The following KIFBP variants were observed in gnomAD, a reference collection of about 807,000 sequenced individuals.
KIFBP encodes the protein KIF-binding protein.
In KIFBP, 46 loss-of-function variants were observed where a neutral mutation model predicts 58.9. The ratio of observed to expected loss-of-function variants is 0.78; its 90% CI spans 0.62 to 1.00. The LOEUF is 1.00. Ranked by LOEUF, KIFBP falls within the 50% of genes least tolerant of loss-of-function variation. The probability of loss-of-function intolerance (pLI) is 0.00; values close to 1 mark genes in which losing one functional copy is unlikely to be tolerated. For synonymous variants in KIFBP, 241 were observed against 283.4 expected (o/e 0.85, Z 1.50); for missense variants, 651 against 752.9 (o/e 0.86, Z 1.58).
At position 68,988,838 on chromosome 10, in the gene KIFBP, G is replaced by C. The variant is rs370609098; in HGVS notation, c.6G>C (p.Ala2=). 1.2e-6 allele frequency: 2 copies of C among 1,614,262 alleles called. No homozygotes were observed. Among genetic ancestry groups the C allele is most frequent in the African/African-American group, 1.3e-5 (1 of 75,080 alleles). The change falls in exon 1 of 7, where the codon GCG becomes GCC. Residue 2 remains alanine, a synonymous_variant. Coordinates refer to ENST00000361983, the MANE Select transcript of KIFBP (RefSeq NM_015634.4). The part of the protein sequence containing the change: M[A]NVPWAEVCEK... ...GCCAGGCAGTAGAGGCCGCTATGGC[G>C]AACGTTCCGTGGGCAGAGGTCTGCG...
chr10:69,013,286 C>G (rs1406837234), intron 6 of KIFBP, among the ~76,000 whole-genome samples: 1 of 152,104 alleles, frequency 6.6e-6, no homozygotes, highest in East Asian at 1.9e-4. Context: ...AACAAACAAA[C>G]CTCAACACAT....
chr10:69,006,381 T>C (rs1184470398), intron 4 of KIFBP, among the ~76,000 whole-genome samples: 1 of 152,234 alleles, frequency 6.6e-6, no homozygotes, highest in Non-Finnish European at 1.5e-5. Flanking sequence ...TTTTTTAATG[T>C]TGGAAATATG....
At chr10:69,012,226 A>G (rs1047894758) in intron 6 of KIFBP, among the ~76,000 whole-genome samples, 2 of 152,140 alleles carry the variant, frequency 1.3e-5, no homozygotes, top group African/African-American at 4.8e-5. Context: ...TTTTGCCTCT[A>G]TTTCCTCACA....
chr10:69,010,833 A>T, intron 5 of KIFBP, 67 bp from the exon 6 acceptor site: 1 of 1,042,804 alleles, frequency 9.6e-7, no homozygotes, highest in African/African-American at 1.6e-5. Context: ...ATATTAAAAA[A>T]ATTACAGTAC....
At position 69,016,629 on chromosome 10, in the gene KIFBP, T is replaced by A; in HGVS notation, c.*213T>A. The A allele has an allele frequency of 1.8e-6, 1 of 544,510 alleles. No individual in the cohort carries two copies. Among genetic ancestry groups the A allele is most frequent in the South Asian group, 2.6e-5 (1 of 38,944 alleles). The allele number at this position is 544,510 out of a possible 1,614,324, so 33.7% of individuals were successfully genotyped here. A position where few individuals can be genotyped will look rare whatever the true frequency, so the allele number is the denominator to read the frequency against. On this transcript the variant is annotated 3_prime_UTR_variant, in exon 7 of 7. Coordinates refer to ENST00000361983, the MANE Select transcript of KIFBP (RefSeq NM_015634.4). ...TATGTAAATTGCCTTGTTAAAGACA[T>A]GTGATTTGTATTTTAGATGCTTGTT...
intron 1 of KIFBP, among the ~76,000 whole-genome samples, chr10:68,996,072 C>T (rs962111254): frequency 1.3e-5 from 2 of 151,612 alleles, no homozygotes; most frequent in Non-Finnish European, 1.5e-5. Context: ...GCACAAGAAT[C>T]GCTAGAACCC....
Position 69,016,176 on chromosome 10 carries a change from T to C in KIFBP, c.1626T>C (p.Pro542=). The C allele has an allele frequency of 1.2e-6, 2 of 1,613,974 alleles. No homozygotes were observed. Among genetic ancestry groups the C allele is most frequent in the Non-Finnish European group, 1.7e-6 (2 of 1,179,978 alleles). The change falls in exon 7 of 7, where the codon CCT becomes CCC. Residue 542 remains proline (P), a synonymous_variant. Transcript: ENST00000361983. ...ATATAGGGGAAGATGTTCTTCGCCCTGCCATGTTAGCTAAGTTTCGAGTTG... is the reference window on the plus strand; with the variant it reads ...ATATAGGGGAAGATGTTCTTCGCCCCGCCATGTTAGCTAAGTTTCGAGTTG... The part of the protein sequence containing the change: ...PEHIGEDVLR[P]AMLAKFRVAR...
At chr10:69,002,193 T>C (rs1333609315) in intron 2 of KIFBP, among the ~76,000 whole-genome samples, 1 of 150,930 alleles carries the variant, frequency 6.6e-6, no homozygotes, top group Non-Finnish European at 1.5e-5. Flanking sequence ...GGAGTCTCGC[T>C]CTGTTGTCCA....
At chr10:69,006,008 A>G (rs1341813939) in intron 4 of KIFBP, 93 bp downstream of exon 4, 3 of 1,204,270 alleles carry the variant, frequency 2.5e-6, no homozygotes, top group Non-Finnish European at 3.6e-6. Context: ...TTTTAAAAAC[A>G]GGTAGCTTGT....
At position 69,005,787 on chromosome 10, in the gene KIFBP, C is replaced by T; in HGVS notation, c.661C>T (p.Leu221=). The change falls in exon 4 of 7, where the codon CTG becomes TTG. Residue 221 remains leucine, a synonymous_variant. Transcript: ENST00000361983. ...LYYLAQVYQH[L]EMFEKAAHYC... The stretch of plus-strand genomic sequence containing the variant: ...TTACCTAGCTCAAGTCTACCAGCAT[C>T]TGGAAATGTTTGAGAAGGCTGCTCA... 1 of 1,613,902 alleles carries T rather than the reference C, an allele frequency of 6.2e-7. No individual in the cohort carries two copies. Among genetic ancestry groups the T allele is most frequent in the Non-Finnish European group, 8.5e-7 (1 of 1,179,810 alleles).
rs745553968 is a variant in KIFBP, at chr10:69,000,498, A to G, written c.501A>G (p.Ala167=). Residue 167 remains alanine (A), a synonymous_variant, in exon 2 of 7, where the codon GCA becomes GCG. Transcript: ENST00000361983. The part of the protein sequence containing the change: ...TAQAYLESSE[A]LYNQYMKEVG... ...AGGCTTACCTAGAGTCATCAGAAGC[A>G]CTATATAATCAGTATATGAAAGAGG... 7.5e-6 allele frequency: 12 copies of G among 1,607,926 alleles called. No individual in the cohort carries two copies. The highest frequency in any genetic ancestry group is 1.0e-5 in the Non-Finnish European group (12 of 1,174,626).
At chr10:68,993,149 A>C (rs996716379) in intron 1 of KIFBP, among the ~76,000 whole-genome samples, 1 of 152,168 alleles carries the variant, frequency 6.6e-6, no homozygotes, top group Non-Finnish European at 1.5e-5. Flanking sequence ...TACCCAGAAC[A>C]CATGCTTCAC....
At chr10:69,003,841 G>A (rs542774061) in intron 2 of KIFBP, among the ~76,000 whole-genome samples, 3 of 152,270 alleles carry the variant, frequency 2.0e-5, no homozygotes, top group East Asian at 3.9e-4. Flanking sequence ...TACTACTACT[G>A]TAGAAATATA....
In KIFBP at chr10:69,000,520, G is replaced by C; in HGVS notation, c.523G>C (p.Glu175Gln). ...SEALYNQYMK[E>Q]VGSPPLDPTE... ...AGCACTATATAATCAGTATATGAAA[G>C]AGGTATGTTACATGTCAGATGAGTT... Residue 175 changes from glutamate (E) to glutamine (Q), a missense_variant and splice_region_variant, in exon 2 of 7, where the codon GAG becomes CAG. Transcript: ENST00000361983. The C allele has an allele frequency of 6.4e-7, 1 of 1,570,452 alleles. No individual in the cohort carries two copies. The highest frequency in any genetic ancestry group is 8.8e-7 in the Non-Finnish European group (1 of 1,140,594).
intron 6 of KIFBP, 169 bp from the exon 7 acceptor site, chr10:69,015,372 G>A (rs1247043436): frequency 2.1e-5 from 12 of 575,702 alleles, no homozygotes; most frequent in East Asian, 1.2e-4. Context: ...TAATATAATC[G>A]GAAGAAAGAA....
At chr10:69,013,597 C>T (rs1843615176) in intron 6 of KIFBP, among the ~76,000 whole-genome samples, 1 of 152,152 alleles carries the variant, frequency 6.6e-6, no homozygotes, top group South Asian at 2.1e-4. Context: ...GACTTATGAT[C>T]TACATTTGAA....
chr10:68,996,836 G>C (rs1195058683), intron 1 of KIFBP, among the ~76,000 whole-genome samples: 4 of 151,876 alleles, frequency 2.6e-5, no homozygotes, highest in Non-Finnish European at 4.4e-5. Context: ...CTGGGCAACA[G>C]AGTGAGAGAC....
chr10:69,012,513 AT>A (rs887977583), intron 6 of KIFBP, among the ~76,000 whole-genome samples: 117 of 147,664 alleles, frequency 7.9e-4, no homozygotes, highest in African/African-American at 1.8e-3. Flanking sequence ...AAGTATGATA[AT>A]TTTTTTTTTT....
chr10:68,992,144 C>T (rs570064441), intron 1 of KIFBP, among the ~76,000 whole-genome samples: 2 of 152,198 alleles, frequency 1.3e-5, no homozygotes, highest in African/African-American at 4.8e-5. Context: ...CAGGTGCCTG[C>T]CACCATGCCC....
Sources: allele counts gnomAD v4.1 joint callset (sites outside exome capture counted in the v4.1 genomes callset), GRCh38; gene constraint gnomAD v4.1.1; transcripts MANE v1.5; gene names NCBI Gene and HGNC (gene_info 2026-07-23, HGNC 2026-07-21).